The following LPAR3 variants were observed in gnomAD, a reference collection of about 807,000 sequenced individuals.
LPAR3 encodes LPA receptor 3.
In LPAR3, 7 loss-of-function variants were observed where a neutral mutation model predicts 17.8. That is an observed-to-expected ratio of 0.39 (90% CI 0.22 to 0.74). The LOEUF is 0.74. Among genes scored for constraint, LPAR3 ranks in the 30% least tolerant of loss-of-function variants. The pLI, the probability that LPAR3 is intolerant of heterozygous loss-of-function variation, is 0.40. For missense variants in LPAR3, 391 were observed against 453.4 expected (o/e 0.86, Z 1.25); for synonymous variants, 179 against 179.9 (o/e 0.99, Z 0.04).
chr1:84,866,194 C>A, intron 1 of LPAR3, 56 bp from the exon 2 acceptor site: 1 of 1,345,704 alleles, frequency 7.4e-7, no homozygotes, highest in Non-Finnish European at 1.0e-6. Context: ...GTCACTAAGC[C>A]ATCAATTGCT....
intron 2 of LPAR3, among the ~76,000 whole-genome samples, chr1:84,863,443 C>A (rs900811823): frequency 6.6e-6 from 1 of 152,122 alleles, no homozygotes; most frequent in African/African-American, 2.4e-5. Flanking sequence ...TGCTTCCTCT[C>A]CTCGATTGCC....
chr1:84,888,139 T>C (rs868274751), intron 1 of LPAR3, among the ~76,000 whole-genome samples: 1 of 112,106 alleles, frequency 8.9e-6, no homozygotes, highest in African/African-American at 3.7e-5. Context: ...TATATATATA[T>C]ATATACATAC....
chr1:84,826,020 T>C (rs1300067994), intron 2 of LPAR3, among the ~76,000 whole-genome samples: 2 of 152,154 alleles, frequency 1.3e-5, no homozygotes, highest in Non-Finnish European at 2.9e-5. Flanking sequence ...AAGGTCTTGC[T>C]GGGTGTGCAC....
chr1:84,866,114 C>T lies in LPAR3; in HGVS notation c.7G>A (p.Glu3Lys), dbSNP rs202023972. The T allele has an allele frequency of 4.0e-6, 6 of 1,499,438 alleles. No individual in the cohort carries two copies. In the East Asian group the frequency reaches 1.4e-4, roughly 35 times the overall value. 92.9% of individuals were successfully genotyped at this position (1,499,438 alleles called of 1,614,324 possible). Residue 3 changes from glutamate (E) to lysine (K), a missense_variant, in exon 2 of 3, where the codon GAG (glutamate) becomes AAG (lysine). Transcript: ENST00000370611. MN[E>K]CHYDKHMDFF... ...TCCATGTGCTTGTCATAGTGACACT[C>T]ATTCATTGTGGAGAAGTGAACATCC...
At chr1:84,828,479 C>G (rs1659211097) in intron 2 of LPAR3, among the ~76,000 whole-genome samples, 5 of 152,082 alleles carry the variant, frequency 3.3e-5, no homozygotes, top group African/African-American at 7.2e-5. Context: ...TCTTTGTTTT[C>G]TAAAGGCTTT....
chr1:84,836,006 C>CTTTTTTT lies in LPAR3; in HGVS notation c.737-21842_737-21836dup, dbSNP rs34491570. ...ATATGAATGCCCCCCCAACCCCGGCCTTTTTTTTTTTTTTTTTTTTTTTTT... is the reference window on the plus strand; with the variant it reads ...ATATGAATGCCCCCCCAACCCCGGCCTTTTTTTTTTTTTTTTTTTTTTTTTTTTTTTT... On this transcript the variant is annotated intron_variant, in intron 2 of 2. Coordinates refer to ENST00000370611, the MANE Select transcript of LPAR3 (RefSeq NM_012152.3). Among the ~76,000 whole-genome samples the CTTTTTTT allele has an allele frequency of 5.5e-4, 34 of 61,760 alleles. 3 individuals carry two copies. Among genetic ancestry groups the CTTTTTTT allele is most frequent in the African/African-American group, 1.0e-3 (16 of 15,246 alleles). The allele number at this position is 61,760 out of a possible 152,430, so 40.5% of individuals were successfully genotyped here. A position where few individuals can be genotyped will look rare whatever the true frequency, so the allele number is the denominator to read the frequency against.
intron 1 of LPAR3, among the ~76,000 whole-genome samples, chr1:84,886,612 G>A (rs1557611151): frequency 6.6e-6 from 1 of 152,126 alleles, no homozygotes; most frequent in Non-Finnish European, 1.5e-5. Context: ...ACACAAGAAA[G>A]GTAACTATGA....
intron 1 of LPAR3, 76 bp from the exon 2 acceptor site, chr1:84,866,214 C>T (rs1660046535): frequency 8.8e-7 from 1 of 1,130,490 alleles, no homozygotes; most frequent in Admixed American, 2.3e-5. Flanking sequence ...TGTTTCTAAG[C>T]CCGTTCTGGC....
intron 2 of LPAR3, among the ~76,000 whole-genome samples, chr1:84,854,897 C>T (rs1172832868): frequency 1.3e-5 from 2 of 152,170 alleles, no homozygotes; most frequent in Non-Finnish European, 2.9e-5. Context: ...AGCCACAATG[C>T]TGCAGTAATT....
chr1:84,852,385 G>T (rs924101982), intron 2 of LPAR3, among the ~76,000 whole-genome samples: 2 of 152,100 alleles, frequency 1.3e-5, no homozygotes, highest in Non-Finnish European at 2.9e-5. Context: ...AGCCAATTTG[G>T]TGAATAATTT....
At chr1:84,853,915 T>C (rs1237454546) in intron 2 of LPAR3, among the ~76,000 whole-genome samples, 2 of 152,206 alleles carry the variant, frequency 1.3e-5, no homozygotes, top group African/African-American at 4.8e-5. Context: ...TGCATGGTCT[T>C]TTAACAAAAA....
chr1:84,888,215 G>A (rs1463836358), intron 1 of LPAR3, among the ~76,000 whole-genome samples: 2 of 151,926 alleles, frequency 1.3e-5, no homozygotes, highest in South Asian at 2.1e-4. Context: ...GAGGGAGGGA[G>A]AGAGAGGGAG....
In LPAR3 at chr1:84,813,085, GAT is replaced by G. The variant is rs1456188090; in HGVS notation, c.*759_*760del. On this transcript the variant is annotated 3_prime_UTR_variant, in exon 3 of 3. Transcript: ENST00000370611. ...TAAGCATTCCCCAATCCAATCCCCA[GAT>G]ATCTTTGAACAAAATCAATAAAAAT... 1 of 132,724 alleles carries G rather than the reference GAT, an allele frequency of 7.5e-6. No homozygotes were observed. The highest frequency in any genetic ancestry group is 1.6e-5 in the Non-Finnish European group (1 of 63,842). The allele number at this position is 132,724 out of a possible 1,614,324, so 8.2% of individuals were successfully genotyped here. A position where few individuals can be genotyped will look rare whatever the true frequency, so the allele number is the denominator to read the frequency against.
chr1:84,892,268 C>A (rs1660567320), intron 1 of LPAR3, among the ~76,000 whole-genome samples: 1 of 150,330 alleles, frequency 6.7e-6, no homozygotes, highest in Admixed American at 6.6e-5. Context: ...TAAAAACTAA[C>A]CTACAAATGC....
chr1:84,868,937 TG>T (rs1660105904), intron 1 of LPAR3, among the ~76,000 whole-genome samples: 1 of 152,222 alleles, frequency 6.6e-6, no homozygotes, highest in Non-Finnish European at 1.5e-5. Flanking sequence ...AATTATTATG[TG>T]TCTTTTCTAA....
chr1:84,842,742 C>T (rs964028420), intron 2 of LPAR3, among the ~76,000 whole-genome samples: 15 of 152,154 alleles, frequency 9.9e-5, no homozygotes, highest in Non-Finnish European at 2.1e-4. Context: ...AGAAGATAAT[C>T]ATAACAGTCC....
At chr1:84,835,620 T>C (rs1308558695) in intron 2 of LPAR3, among the ~76,000 whole-genome samples, 2 of 152,226 alleles carry the variant, frequency 1.3e-5, no homozygotes, top group Admixed American at 1.3e-4. Context: ...TTCCCACATA[T>C]TTTGCCACTT....
At chr1:84,838,011 G>T in intron 2 of LPAR3, among the ~76,000 whole-genome samples, 1 of 152,128 alleles carries the variant, frequency 6.6e-6, no homozygotes, top group Non-Finnish European at 1.5e-5. Context: ...AGTATAAGGT[G>T]ATGTGATTAA....
intron 2 of LPAR3, among the ~76,000 whole-genome samples, chr1:84,837,147 G>A (rs529291267): frequency 6.6e-6 from 1 of 151,184 alleles, no homozygotes; most frequent in South Asian, 2.1e-4. Flanking sequence ...TTAGCCTCCT[G>A]AGTAGCTGGG....
Sources: gnomAD v4.1 joint callset for allele counts (sites outside exome capture counted in the v4.1 genomes callset) on GRCh38, gnomAD v4.1.1 for gene constraint, MANE v1.5 for transcripts, NCBI Gene and HGNC (gene_info 2026-07-23, HGNC 2026-07-21) for gene names.